The following C3orf20 variants were observed in gnomAD, a reference collection of about 807,000 sequenced individuals.
The protein encoded by C3orf20 is family with sequence similarity 149 member C.
A neutral mutation model predicts 88.3 loss-of-function variants in C3orf20; 76 were observed. The observed-to-expected ratio is 0.86, with a 90% confidence interval of 0.72 to 1.04. C3orf20 has a LOEUF of 1.04. Among genes scored for constraint, C3orf20 ranks in the 50% least tolerant of loss-of-function variants. C3orf20 has a pLI of 0.00. For synonymous variants in C3orf20, 436 were observed against 437.4 expected (o/e 1.00, Z 0.04); for missense variants, 1,056 against 1,123.3 (o/e 0.94, Z 0.86).
Position 14,761,510 on chromosome 3 carries a change from T to C in C3orf20, c.2390T>C (p.Val797Ala). The C allele has an allele frequency of 1.2e-6, 2 of 1,613,988 alleles. No individual in the cohort carries two copies. Among genetic ancestry groups the C allele is most frequent in the Non-Finnish European group, 1.7e-6 (2 of 1,179,996 alleles). The change falls in exon 15 of 17, where the codon GTT becomes GCT. Residue 797 changes from valine to alanine, a missense_variant. Physicochemically the swap from Val to Ala is moderately conservative, Grantham distance 64. Coordinates refer to ENST00000253697, the MANE Select transcript of C3orf20 (RefSeq NM_032137.5). ...GGGAAGCTCATTTTTGGGGGCCGTGTTTTGAATGGATATGGCCTCAGCAAG... is the reference window on the plus strand; with the variant it reads ...GGGAAGCTCATTTTTGGGGGCCGTGCTTTGAATGGATATGGCCTCAGCAAG... The part of the protein sequence containing the change: ...AGGKLIFGGR[V>A]LNGYGLSKQN...
intron 15 of C3orf20, among the ~76,000 whole-genome samples, chr3:14,761,851 G>A (rs888033479): frequency 6.6e-6 from 1 of 152,102 alleles, no homozygotes; most frequent in African/African-American, 2.4e-5. Flanking sequence ...AGTGGGAGGG[G>A]GTGTGTGAGC....
chr3:14,769,081 C>G (rs1225118936), intron 15 of C3orf20, among the ~76,000 whole-genome samples: 1 of 152,064 alleles, frequency 6.6e-6, no homozygotes, highest in Non-Finnish European at 1.5e-5. Flanking sequence ...TGGCTAAGAG[C>G]CAGACACAGG....
At chr3:14,723,529 A>C (rs942931967) in intron 10 of C3orf20, among the ~76,000 whole-genome samples, 2 of 152,252 alleles carry the variant, frequency 1.3e-5, no homozygotes, top group African/African-American at 2.4e-5. Flanking sequence ...AGGCAAAAGC[A>C]TGGGCACCAA....
At chr3:14,769,913 G>A (rs1231737086) in intron 15 of C3orf20, among the ~76,000 whole-genome samples, 3 of 151,892 alleles carry the variant, frequency 2.0e-5, no homozygotes, top group Admixed American at 6.5e-5. Flanking sequence ...AGCTCAGGGA[G>A]GAGGTGCTCT....
rs191208528 is a variant in C3orf20, at chr3:14,696,597, C to T, written c.745+6481C>T. On this transcript the variant is annotated intron_variant, in intron 5 of 16. Coordinates refer to ENST00000253697, the MANE Select transcript of C3orf20 (RefSeq NM_032137.5). ...GTAGAGATGTTGGCTAGGCTGATCT[C>T]GAACTCCTGACCTCAAGTGATCTGC... Among the ~76,000 whole-genome samples the T allele has an allele frequency of 9.6e-4, 146 of 151,962 alleles. 1 individual carries two copies. Among genetic ancestry groups the T allele is most frequent in the African/African-American group, 3.2e-3 (133 of 41,452 alleles).
intron 10 of C3orf20, chr3:14,722,404 T>A (rs1404092244): frequency 2.2e-6 from 1 of 448,500 alleles, no homozygotes; most frequent in African/African-American, 2.0e-5. Flanking sequence ...TGGGGGCCAA[T>A]GTGTCAGATT....
intron 9 of C3orf20, among the ~76,000 whole-genome samples, chr3:14,716,157 A>G (rs893009140): frequency 6.6e-6 from 1 of 152,204 alleles, no homozygotes; most frequent in African/African-American, 2.4e-5. Flanking sequence ...AACCAAAAAT[A>G]TCTTCAGGTA....
intron 12 of C3orf20, among the ~76,000 whole-genome samples, chr3:14,744,434 A>G (rs921777510): frequency 6.6e-6 from 1 of 151,754 alleles, no homozygotes; most frequent in Non-Finnish European, 1.5e-5. Flanking sequence ...AAGTTCCAAA[A>G]TTTCCCACAT....
chr3:14,725,119 A>G (rs2034302549), intron 10 of C3orf20, among the ~76,000 whole-genome samples: 1 of 152,232 alleles, frequency 6.6e-6, no homozygotes, highest in Non-Finnish European at 1.5e-5. Flanking sequence ...CTAACAAGAT[A>G]AACAGAAACA....
chr3:14,715,630 T>A (rs1411837997), intron 9 of C3orf20, among the ~76,000 whole-genome samples: 1 of 152,278 alleles, frequency 6.6e-6, no homozygotes, highest in East Asian at 1.9e-4. Context: ...AACTATTGGC[T>A]GCTTTACAGA....
At chr3:14,718,601 A>G (rs994765420) in intron 9 of C3orf20, among the ~76,000 whole-genome samples, 5 of 152,142 alleles carry the variant, frequency 3.3e-5, no homozygotes, top group Non-Finnish European at 5.9e-5. Context: ...TTCTTCACAT[A>G]TTGAATAATT....
chr3:14,693,027 A>G (rs529280940), intron 5 of C3orf20, among the ~76,000 whole-genome samples: 2 of 152,268 alleles, frequency 1.3e-5, no homozygotes, highest in Admixed American at 1.3e-4. Context: ...AAATGGGTTC[A>G]TTGTAGACGT....
intron 13 of C3orf20, 24 bp downstream of exon 13, chr3:14,757,698 G>T: frequency 6.3e-7 from 1 of 1,595,398 alleles, no homozygotes; most frequent in South Asian, 1.1e-5. Flanking sequence ...CAGTGAGGAG[G>T]CCCTGGAGGC....
intron 12 of C3orf20, among the ~76,000 whole-genome samples, chr3:14,730,782 C>G (rs538733910): frequency 3.3e-5 from 5 of 152,180 alleles, no homozygotes; most frequent in African/African-American, 1.2e-4. Flanking sequence ...TCTGAGAGTT[C>G]AGTTGCTCCA....
chr3:14,682,926 C>A lies in C3orf20; in HGVS notation c.213C>A (p.Val71=). The stretch of plus-strand genomic sequence containing the variant: ...CGTCCGACATCTTGGGCCTGGAGGT[C>A]AGCTTTGGAGCCCCCCTGGTGGTGC... ...PTPSDILGLE[V]SFGAPLVVLM... The change falls in exon 3 of 17, where the codon GTC becomes GTA. Residue 71 remains valine (V), a synonymous_variant. Coordinates refer to ENST00000253697, the MANE Select transcript of C3orf20 (RefSeq NM_032137.5). The A allele has an allele frequency of 6.2e-7, 1 of 1,614,170 alleles. No individual in the cohort carries two copies. The highest frequency in any genetic ancestry group is 1.7e-5 in the Admixed American group (1 of 60,016).
In C3orf20 at chr3:14,695,874, G is replaced by A. The variant is rs77837114; in HGVS notation, c.745+5758G>A. On this transcript the variant is annotated intron_variant, in intron 5 of 16. Transcript: ENST00000253697. Reference sequence around the variant, plus strand: ...GTTCCTTTATTTTCAGTTTATGTGCGTCTTTATAAGTAGAGTGTGCTTCTG... The same window carrying A: ...GTTCCTTTATTTTCAGTTTATGTGCATCTTTATAAGTAGAGTGTGCTTCTG... 9.0e-4 allele frequency among the ~76,000 whole-genome samples: 137 copies of A among 151,824 alleles called. 1 individual carries two copies. The highest frequency in any genetic ancestry group is 3.1e-3 in the African/African-American group (129 of 41,344).
intron 15 of C3orf20, among the ~76,000 whole-genome samples, chr3:14,771,454 G>A (rs1344617703): frequency 6.6e-6 from 1 of 152,252 alleles, no homozygotes; most frequent in African/African-American, 2.4e-5. Context: ...TCTTCCAGAA[G>A]CTGCTAGGGA....
At chr3:14,729,827 G>A (rs1311233462) in intron 12 of C3orf20, among the ~76,000 whole-genome samples, 1 of 152,226 alleles carries the variant, frequency 6.6e-6, no homozygotes, top group East Asian at 1.9e-4. Context: ...TTACAGGCGT[G>A]AGCCACTGCA....
intron 15 of C3orf20, 56 bp downstream of exon 15, chr3:14,761,671 A>G (rs2035568482): frequency 6.3e-7 from 1 of 1,598,332 alleles, no homozygotes; most frequent in African/African-American, 1.3e-5. Flanking sequence ...TGGAGGGCAG[A>G]AAGGAGACTT....
Sources: gnomAD v4.1 joint callset for allele counts (sites outside exome capture counted in the v4.1 genomes callset) on GRCh38, gnomAD v4.1.1 for gene constraint, MANE v1.5 for transcripts, NCBI Gene and HGNC (gene_info 2026-07-23, HGNC 2026-07-21) for gene names.